THSD7B: variants seen among roughly 807,000 people sequenced by gnomAD.
The protein encoded by THSD7B is thrombospondin type 1 domain containing 7B, also known as thrombospondin type-1 domain-containing protein 7B.
Under a neutral mutation model 213.6 loss-of-function variants are expected in THSD7B, and 138 were observed. That is an observed-to-expected ratio of 0.65 (90% confidence interval 0.56 to 0.74). The LOEUF (loss-of-function observed/expected upper bound fraction) is 0.74, where lower values mean the gene tolerates loss of function less well. Among genes scored for constraint, THSD7B ranks in the 30% least tolerant of loss-of-function variants. The pLI is 0.00. For synonymous variants in THSD7B, 742 were observed against 687.0 expected, an observed-to-expected ratio of 1.08 and a Z score of -1.25; for missense variants, 1,931 against 1,991.5, an observed-to-expected ratio of 0.97 and a Z score of 0.58.
At chr2:137,330,767 A>C (rs912443602) in intron 12 of THSD7B, among the ~76,000 whole-genome samples, 14 of 152,052 alleles carry the variant, frequency 9.2e-5, no homozygotes, top group African/African-American at 3.4e-4. Flanking sequence ...GAGCGAAAGA[A>C]CAAAGCTTCC....
intron 14 of THSD7B, 34 bp from the exon 15 acceptor site, chr2:137,450,811 T>G: frequency 6.7e-7 from 1 of 1,500,784 alleles, no homozygotes; most frequent in South Asian, 1.3e-5. Context: ...TACATTTTAA[T>G]CAGACTTTCT....
intron 2 of THSD7B, chr2:136,990,992 G>A: frequency 2.4e-6 from 3 of 1,274,214 alleles, no homozygotes; most frequent in Non-Finnish European, 3.1e-6. Flanking sequence ...CATCGTCTCT[G>A]CTGGCACAGG....
chr2:137,333,449 T>C (rs950886545), intron 12 of THSD7B, among the ~76,000 whole-genome samples: 3 of 152,206 alleles, frequency 2.0e-5, no homozygotes, highest in Non-Finnish European at 4.4e-5. Flanking sequence ...TGTACCTTTT[T>C]CCAGGTCTGG....
intron 15 of THSD7B, among the ~76,000 whole-genome samples, chr2:137,465,302 T>C (rs935317591): frequency 2.0e-5 from 3 of 151,520 alleles, no homozygotes; most frequent in African/African-American, 4.8e-5. Context: ...TCCAGGACAA[T>C]TGAATACTAG....
At chr2:136,829,078 T>A (rs903132838) in intron 1 of THSD7B, among the ~76,000 whole-genome samples, 4 of 152,170 alleles carry the variant, frequency 2.6e-5, no homozygotes, top group Admixed American at 2.6e-4. Context: ...TCTTCCTTTG[T>A]TCTCTTTCTT....
At chr2:137,656,745 AGT>A in intron 22 of THSD7B, 49 bp from the exon 23 acceptor site, 1 of 1,552,994 alleles carries the variant, frequency 6.4e-7, no homozygotes, top group Admixed American at 1.9e-5. Context: ...AATGTTGTCC[AGT>A]GCCACTTTTC....
intron 9 of THSD7B, among the ~76,000 whole-genome samples, chr2:137,241,458 A>G (rs749318021): frequency 2.0e-5 from 3 of 152,214 alleles, no homozygotes; most frequent in Non-Finnish European, 4.4e-5. Context: ...TCCATTAACT[A>G]TTTATATTAC....
intron 2 of THSD7B, among the ~76,000 whole-genome samples, chr2:136,896,413 A>C (rs188861019): frequency 2.0e-5 from 3 of 152,204 alleles, no homozygotes; most frequent in Non-Finnish European, 4.4e-5. Context: ...CCTATTAGTG[A>C]GTTTCAAGAG....
At chr2:136,806,324 A>G (rs1462388607) in intron 1 of THSD7B, among the ~76,000 whole-genome samples, 1 of 152,236 alleles carries the variant, frequency 6.6e-6, no homozygotes, top group Non-Finnish European at 1.5e-5. Context: ...TCCTAGCTGC[A>G]TGGCCCCAGG....
At chr2:137,174,902 A>C (rs1680330957) in intron 7 of THSD7B, among the ~76,000 whole-genome samples, 1 of 152,216 alleles carries the variant, frequency 6.6e-6, no homozygotes, top group Non-Finnish European at 1.5e-5. Context: ...AAATGGAGTG[A>C]GATTCAAAAA....
At chr2:137,366,250 G>A (rs1175696434) in intron 12 of THSD7B, among the ~76,000 whole-genome samples, 1 of 152,100 alleles carries the variant, frequency 6.6e-6, no homozygotes, top group East Asian at 1.9e-4. Flanking sequence ...ATGGGGTGGG[G>A]GGATGAGGAT....
intron 12 of THSD7B, among the ~76,000 whole-genome samples, chr2:137,359,460 G>T (rs1193052123): frequency 6.6e-6 from 1 of 152,154 alleles, no homozygotes; most frequent in Non-Finnish European, 1.5e-5. Context: ...AACCTTGGGG[G>T]GTGCTAGTGA....
chr2:137,190,984 T>G (rs77122760), intron 7 of THSD7B, among the ~76,000 whole-genome samples: 4,545 of 152,216 alleles, frequency 0.03, 257 homozygotes, highest in African/African-American at 0.1. Context: ...CGCTGCAATT[T>G]CACAGCCACA....
intron 1 of THSD7B, among the ~76,000 whole-genome samples, chr2:136,861,568 A>G (rs868193206): frequency 6.6e-6 from 1 of 152,170 alleles, no homozygotes; most frequent in Admixed American, 6.5e-5. Flanking sequence ...TTGTTTTCCC[A>G]TGAATCTGGT....
At chr2:137,285,363 G>A (rs183195648) in intron 12 of THSD7B, among the ~76,000 whole-genome samples, 12 of 152,154 alleles carry the variant, frequency 7.9e-5, no homozygotes, top group Admixed American at 2.6e-4. Context: ...CAATTTGCCC[G>A]TCTGTGTCTT....
chr2:137,301,296 G>T (rs1683595268), intron 12 of THSD7B, among the ~76,000 whole-genome samples: 1 of 151,966 alleles, frequency 6.6e-6, no homozygotes, highest in African/African-American at 2.4e-5. Flanking sequence ...GCTCTTTCTG[G>T]CATGATTGTT....
chr2:136,866,847 T>G (rs774761451), intron 1 of THSD7B, among the ~76,000 whole-genome samples: 9 of 152,140 alleles, frequency 5.9e-5, no homozygotes, highest in Non-Finnish European at 1.3e-4. Flanking sequence ...TCTAGCAGAG[T>G]CTGTGAGAAA....
At chr2:136,977,551 T>C (rs1471024919) in intron 2 of THSD7B, among the ~76,000 whole-genome samples, 2 of 152,148 alleles carry the variant, frequency 1.3e-5, no homozygotes, top group African/African-American at 4.8e-5. Context: ...GTTGTGATGT[T>C]AAGGAGGTTG....
At position 137,390,572 on chromosome 2, in the gene THSD7B, G is replaced by A. The variant is rs1009123687; in HGVS notation, c.2501-15041G>A. ...TGGCTAGGAATTCCAGTACTACATC[G>A]AATAAAAGTAGTAAAAGTGGATATC... On this transcript the variant is annotated intron_variant, in intron 12 of 27. Coordinates refer to ENST00000409968, the MANE Select transcript of THSD7B (RefSeq NM_001316349.2). Among the ~76,000 whole-genome samples, 5 of 152,036 alleles carry A rather than the reference G, an allele frequency of 3.3e-5. No individual in the cohort carries two copies. The East Asian group carries it at 5.8e-4, about 18-fold the overall frequency.
Sources: allele counts gnomAD v4.1 joint callset (sites outside exome capture counted in the v4.1 genomes callset), GRCh38; gene constraint gnomAD v4.1.1; transcripts MANE v1.5; gene names NCBI Gene and HGNC (gene_info 2026-07-23, HGNC 2026-07-21).